The following AGT variants were observed in gnomAD, a reference collection of about 807,000 sequenced individuals.
AGT encodes the protein alpha-1 antiproteinase, antitrypsin.
A neutral mutation model predicts 28.1 loss-of-function variants in AGT; 26 were observed. That is an observed-to-expected ratio of 0.92 (90% confidence interval 0.68 to 1.28). The LOEUF (loss-of-function observed/expected upper bound fraction) is 1.28. Ranked by LOEUF, AGT falls within the 50% of genes most tolerant of loss-of-function variation. The pLI is 0.00. For missense variants in AGT, 596 were observed against 592.3 expected (o/e 1.01, Z -0.06); for synonymous variants, 259 against 259.6 (o/e 1.00, Z 0.02).
Position 230,726,283 on chromosome 1 carries a change from T to C in AGT, c.-30-15430A>G, listed in dbSNP as rs554615219. Among the ~76,000 whole-genome samples the C allele has an allele frequency of 1.9e-4, 29 of 152,308 alleles. 1 individual carries two copies. The highest frequency in any genetic ancestry group is 7.0e-4 in the African/African-American group (29 of 41,586). ...GACAGTGTTATTTTCCCCCATTTTA[T>C]TGATGAAGATGACAAAGAACAGAGA... On this transcript the variant is annotated intron_variant, in intron 1 of 4. Transcript: ENST00000681269.
intron 1 of AGT, among the ~76,000 whole-genome samples, chr1:230,727,180 C>T (rs79171700): frequency 6.6e-6 from 1 of 152,188 alleles, no homozygotes; most frequent in South Asian, 2.1e-4. Flanking sequence ...AAAGGATTCT[C>T]TCTCCTCCTA....
At position 230,702,921 on chromosome 1, in the gene AGT, A is replaced by G. The variant is rs1663272125; in HGVS notation, c.*220T>C. 3 of 586,488 alleles carry G rather than the reference A, an allele frequency of 5.1e-6. No individual in the cohort carries two copies. In the South Asian group the frequency reaches 6.4e-5, roughly 13 times the overall value. 36.3% of individuals were successfully genotyped at this position (586,488 alleles called of 1,614,324 possible). A position where few individuals can be genotyped will look rare whatever the true frequency, so the allele number is the denominator to read the frequency against. ...ATAAACCCAGCAAACTGGGAGGTGC[A>G]TTTGTGCCGCTGCAGGCTTCTACTG... On this transcript the variant is annotated 3_prime_UTR_variant, in exon 5 of 5. Coordinates refer to ENST00000366667, the MANE Select transcript of AGT (RefSeq NM_001384479.1).
chr1:230,736,675 C>T (rs996624938), intron 1 of AGT, among the ~76,000 whole-genome samples: 6 of 152,298 alleles, frequency 3.9e-5, no homozygotes, highest in East Asian at 1.9e-4. Context: ...ACTACCTCAG[C>T]TTTCTTTTCC....
chr1:230,710,046 C>G lies in AGT; in HGVS notation c.778G>C (p.Gly260Arg). Reference sequence around the variant, plus strand: ...GCCAGGGTGCTGTCCACACTGGCTCCCATCAGGGAGCAGCCAGTCTTCCAT... The same window carrying G: ...GCCAGGGTGCTGTCCACACTGGCTCGCATCAGGGAGCAGCCAGTCTTCCAT... Reference protein sequence around the residue: ...TGWKTGCSLMGASVDSTLAFN... With the variant: ...TGWKTGCSLMRASVDSTLAFN... Residue 260 changes from glycine to arginine, a missense_variant, in exon 2 of 5, where the codon GGA becomes CGA. Coordinates refer to ENST00000366667, the MANE Select transcript of AGT (RefSeq NM_001384479.1). 1 of 1,614,074 alleles carries G rather than the reference C, an allele frequency of 6.2e-7. No individual in the cohort carries two copies. The highest frequency in any genetic ancestry group is 8.5e-7 in the Non-Finnish European group (1 of 1,180,008).
At chr1:230,719,698 C>T (rs1055266606) in intron 1 of AGT, among the ~76,000 whole-genome samples, 2 of 152,134 alleles carry the variant, frequency 1.3e-5, no homozygotes, top group East Asian at 1.9e-4. Flanking sequence ...TGAGCCACCA[C>T]ACCTGGCTAA....
chr1:230,710,464 A>G lies in AGT; in HGVS notation c.360T>C (p.His120=). The G allele has an allele frequency of 6.2e-7, 1 of 1,614,210 alleles. No individual in the cohort carries two copies. Among genetic ancestry groups the G allele is most frequent in the South Asian group, 1.1e-5 (1 of 91,084 alleles). Residue 120 remains histidine (H), a synonymous_variant, in exon 2 of 5, where the codon CAT becomes CAC. Transcript: ENST00000366667. ...CCGTTGGGGAGAGGACGGTGGCCCC[A>G]TGGACCACGCCCCATAGCTCACTGT... is the stretch of plus-strand genomic sequence containing the variant. ...GMHSELWGVV[H]GATVLSPTAV...
chr1:230,724,762 G>A (rs1018467951), intron 1 of AGT, among the ~76,000 whole-genome samples: 1 of 152,210 alleles, frequency 6.6e-6, no homozygotes, highest in Non-Finnish European at 1.5e-5. Context: ...GGAGGTCAAA[G>A]CTGCAGTGAG....
chr1:230,736,371 A>C lies in AGT; in HGVS notation c.-31+9144T>G, dbSNP rs1417428216. On this transcript the variant is annotated intron_variant, in intron 1 of 4. Coordinates refer to the AGT transcript ENST00000681269. Reference sequence around the variant, plus strand: ...ACCCCATCTCTACTAAAAATACAAAAAGCCGGGCATGGTGGCGGGCACCTG... The same window carrying C: ...ACCCCATCTCTACTAAAAATACAAACAGCCGGGCATGGTGGCGGGCACCTG... Among the ~76,000 whole-genome samples the C allele has an allele frequency of 2.0e-5, 3 of 151,780 alleles. No homozygotes were observed. The East Asian group carries it at 5.8e-4, about 29-fold the overall frequency.
chr1:230,736,861 A>ATCCCTT (rs1199163346), intron 1 of AGT, among the ~76,000 whole-genome samples: 1 of 152,122 alleles, frequency 6.6e-6, no homozygotes, highest in Non-Finnish European at 1.5e-5. Context: ...GGAGGCATCT[A>ATCCCTT]TCCCTTTTCA....
rs767370325 is a variant in AGT, at chr1:230,710,538, T to C, written c.286A>G (p.Met96Val). 32 of 1,614,072 alleles carry C rather than the reference T, an allele frequency of 2.0e-5. No homozygotes were observed. The Admixed American group carries it at 5.2e-4, about 26-fold the overall frequency. ...LDTEDKLRAAMVGMLANFLGF... is the reference protein window; with the variant it reads ...LDTEDKLRAAVVGMLANFLGF... Reference sequence around the variant, plus strand: ...AAGAAGTTGGCCAGCATCCCGACCATTGCGGCCCTCAACTTGTCTTCGGTG... The same window carrying C: ...AAGAAGTTGGCCAGCATCCCGACCACTGCGGCCCTCAACTTGTCTTCGGTG... The change falls in exon 2 of 5, where the codon ATG becomes GTG. Residue 96 changes from methionine to valine, a missense_variant. Transcript: ENST00000366667.
chr1:230,745,255 G>A (rs116159842), intron 1 of AGT, among the ~76,000 whole-genome samples: 316 of 152,302 alleles, frequency 2.1e-3, no homozygotes, highest in African/African-American at 7.1e-3. Flanking sequence ...AGAGGATAGG[G>A]GAAAGGGAGG....
chr1:230,706,328 C>G (rs764358894), intron 2 of AGT, 128 bp from the exon 3 acceptor site: 11 of 1,044,898 alleles, frequency 1.1e-5, no homozygotes, highest in East Asian at 2.6e-5. Context: ...TGGCCCCCCC[C>G]AGGCCACTCT....
rs756286694 is a variant in AGT at position 230,703,112 on chromosome 1, G to T, written c.*29C>A. ...CTCAAAGGCCAGGGGCAGAGGCCTT[G>T]CCAGGCACTGTGTTCTGGGGCCCTG... On this transcript the variant is annotated 3_prime_UTR_variant, in exon 5 of 5. Coordinates refer to ENST00000366667, the MANE Select transcript of AGT (RefSeq NM_001384479.1). 1.9e-6 allele frequency: 3 copies of T among 1,610,910 alleles called. No individual in the cohort carries two copies. In the Admixed American group the frequency reaches 5.0e-5, roughly 27 times the overall value.
At chr1:230,713,853 G>T in intron 1 of AGT, among the ~76,000 whole-genome samples, 1 of 152,210 alleles carries the variant, frequency 6.6e-6, no homozygotes, top group East Asian at 1.9e-4. Context: ...CTCAGCGGAA[G>T]CAGGAAGACC....
chr1:230,703,025 G>T lies in AGT; in HGVS notation c.*116C>A. ...AAGTCGACTCATTAGAAGAAAAGGT[G>T]GGAGACTGGGGGTGACACATCGCTG... On this transcript the variant is annotated 3_prime_UTR_variant, in exon 5 of 5. Transcript: ENST00000366667. 2 of 1,167,104 alleles carry T rather than the reference G, an allele frequency of 1.7e-6. No individual in the cohort carries two copies. The highest frequency in any genetic ancestry group is 1.2e-6 in the Non-Finnish European group (1 of 824,448). The allele number at this position is 1,167,104 out of a possible 1,614,324, so 72.3% of individuals were successfully genotyped here. A position where few individuals can be genotyped will look rare whatever the true frequency, so the allele number is the denominator to read the frequency against.
chr1:230,703,079 G>A lies in AGT; in HGVS notation c.*62C>T. ...TGTCCGGGGTTGTTATCTGCTGCTG[G>A]CCTTTGCCTCAAAGGCCAGGGGCAG... On this transcript the variant is annotated 3_prime_UTR_variant, in exon 5 of 5. Coordinates refer to ENST00000366667, the MANE Select transcript of AGT (RefSeq NM_001384479.1). 6.4e-7 allele frequency: 1 copy of A among 1,568,624 alleles called. No individual in the cohort carries two copies. Among genetic ancestry groups the A allele is most frequent in the African/African-American group, 1.4e-5 (1 of 73,906 alleles).
At chr1:230,726,080 T>C (rs762360715) in intron 1 of AGT, among the ~76,000 whole-genome samples, 77 of 152,298 alleles carry the variant, frequency 5.1e-4, no homozygotes, top group Non-Finnish European at 9.3e-4. Flanking sequence ...GACTGCAAAA[T>C]TGGAATGACT....
chr1:230,713,153 T>C (rs908756917), intron 1 of AGT, among the ~76,000 whole-genome samples: 7 of 152,192 alleles, frequency 4.6e-5, no homozygotes, highest in Non-Finnish European at 1.0e-4. Context: ...CTGTACCATG[T>C]AGTTATGCAC....
In AGT at chr1:230,710,440, C is replaced by T. The variant is rs563597943; in HGVS notation, c.384G>A (p.Thr128=). Residue 128 remains threonine (T), a synonymous_variant, in exon 2 of 5, where the codon ACG becomes ACA. Transcript: ENST00000366667. ...VVHGATVLSP[T]AVFGTLASLY... ...GAGAGGCCAGGGTGCCAAAGACAGC[C>T]GTTGGGGAGAGGACGGTGGCCCCAT... 14 of 1,614,208 alleles carry T rather than the reference C, an allele frequency of 8.7e-6. No individual in the cohort carries two copies. Among genetic ancestry groups the T allele is most frequent in the East Asian group, 2.2e-5 (1 of 44,886 alleles).
Sources: allele counts gnomAD v4.1 joint callset (sites outside exome capture counted in the v4.1 genomes callset), GRCh38; gene constraint gnomAD v4.1.1; transcripts MANE v1.5; gene names NCBI Gene and HGNC (gene_info 2026-07-23, HGNC 2026-07-21).